Variants in RANBP6 observed in about 807,000 individuals in gnomAD.
RANBP6 encodes the protein ran-binding protein 6.
A neutral mutation model predicts 35.3 loss-of-function variants in RANBP6; 10 were observed. The observed-to-expected ratio is 0.28, with a 90% CI of 0.17 to 0.48. The LOEUF (loss-of-function observed/expected upper bound fraction) is 0.48, where lower values mean the gene tolerates loss of function less well. Ranked by LOEUF, RANBP6 falls within the 20% of genes least tolerant of loss-of-function variation. The pLI is 0.99. For synonymous variants in RANBP6, 514 were observed against 464.2 expected (o/e 1.11, Z -1.38); for missense variants, 1,392 against 1,307.7 (o/e 1.06, Z -0.99).
Position 6,012,545 on chromosome 9 carries a change from C to G in RANBP6, c.3063G>C (p.Leu1021Phe), listed in dbSNP as rs771472259. Residue 1021 changes from leucine (L) to phenylalanine (F), a missense_variant, in exon 1 of 1, where the codon TTG (leucine) becomes TTC (phenylalanine). Transcript: ENST00000259569. ...HEDKEEAIQT[L>F]SFLCDLIESN... ...TTTCAATTAGGTCACAGAGAAAACTCAAAGTCTGAATAGCTTCCTCTTTAT... is the reference window on the plus strand; with the variant it reads ...TTTCAATTAGGTCACAGAGAAAACTGAAAGTCTGAATAGCTTCCTCTTTAT... 6.2e-7 allele frequency: 1 copy of G among 1,613,362 alleles called. No homozygotes were observed. Among genetic ancestry groups the G allele is most frequent in the South Asian group, 1.1e-5 (1 of 90,812 alleles).
Position 6,012,739 on chromosome 9 carries a change from G to T in RANBP6, c.2869C>A (p.Pro957Thr). Residue 957 changes from proline (P) to threonine (T), a missense_variant, in exon 1 of 1, where the codon CCA becomes ACA. Physicochemically the swap from Pro to Thr is conservative, Grantham distance 38. Coordinates refer to ENST00000259569, the MANE Select transcript of RANBP6 (RefSeq NM_012416.4). ...CACTTAATAACTTTTACCAGAAGTGGAACAGCTTCTGAACATAAAGAACGA... is the reference window on the plus strand; with the variant it reads ...CACTTAATAACTTTTACCAGAAGTGTAACAGCTTCTGAACATAAAGAACGA... Reference protein sequence around the residue: ...DYRSLCSEAVPLLVKVIKCAN... With the variant: ...DYRSLCSEAVTLLVKVIKCAN... 6.2e-7 allele frequency: 1 copy of T among 1,614,078 alleles called. No individual in the cohort carries two copies. The highest frequency in any genetic ancestry group is 1.7e-4 in the Middle Eastern group (1 of 6,060).
In RANBP6 at chr9:6,015,615, T is replaced by C. The variant is rs528480880; in HGVS notation, c.-8A>G. On this transcript the variant is annotated 5_prime_UTR_variant, in exon 1 of 1. Transcript: ENST00000259569. ...AGACGCGGTTGCCGCCATTGCGCTC[T>C]GTCAAAGCTACCGCGACCGGGAAGG... The C allele has an allele frequency of 4.4e-6, 7 of 1,577,930 alleles. No homozygotes were observed. In the South Asian group the frequency reaches 6.8e-5, roughly 15 times the overall value.
rs111770570 is a variant in RANBP6, at chr9:6,011,028, A to G, written c.*1262T>C. 178 of 152,320 alleles carry G rather than the reference A, an allele frequency of 1.2e-3. 2 individuals are homozygous for G. Among genetic ancestry groups the G allele is most frequent in the African/African-American group, 4.2e-3 (174 of 41,564 alleles). The allele number at this position is 152,320 out of a possible 1,614,324, so 9.4% of individuals were successfully genotyped here. ...GAAGTTCCAGACACAATAGAGGTAC[A>G]AACAACAACAGCAATAACAGCTACA... On this transcript the variant is annotated 3_prime_UTR_variant, in exon 1 of 1. Transcript: ENST00000259569.
In RANBP6 at chr9:6,014,293, C is replaced by G. The variant is rs773921765; in HGVS notation, c.1315G>C (p.Ala439Pro). 1 of 1,614,206 alleles carries G rather than the reference C, an allele frequency of 6.2e-7. No individual in the cohort carries two copies. The highest frequency in any genetic ancestry group is 8.5e-7 in the Non-Finnish European group (1 of 1,180,026). ...TTLGQMATDFAPNFQKKFHET... is the reference protein window; with the variant it reads ...TTLGQMATDFPPNFQKKFHET... ...TGAAATTTCTTTTGGAAATTAGGTG[C>G]AAAATCTGTAGCCATCTGTCCAAGT... Residue 439 changes from alanine to proline, a missense_variant, in exon 1 of 1, where the codon GCA becomes CCA. Transcript: ENST00000259569.
Position 6,014,770 on chromosome 9 carries a change from T to G in RANBP6, c.838A>C (p.Ser280Arg). 1 of 1,614,202 alleles carries G rather than the reference T, an allele frequency of 6.2e-7. No individual in the cohort carries two copies. Among genetic ancestry groups the G allele is most frequent in the African/African-American group, 1.3e-5 (1 of 75,066 alleles). ...SLKLCGDSRL[S>R]NLQRQLALEV... is the part of the protein sequence containing the mutation. The stretch of plus-strand genomic sequence containing the variant: ...AGGGCCAGCTGGCGCTGCAGATTAC[T>G]AAGCCTAGAGTCTCCACATAACTTC... Residue 280 changes from serine (S) to arginine (R), a missense_variant, in exon 1 of 1, where the codon AGT becomes CGT. Physicochemically the swap from Ser to Arg is moderately radical, Grantham distance 110. Coordinates refer to ENST00000259569, the MANE Select transcript of RANBP6 (RefSeq NM_012416.4).
At position 6,012,937 on chromosome 9, in the gene RANBP6, ACTGT is replaced by A. The variant is rs1842501270; in HGVS notation, c.2667_2670del (p.Arg889SerfsTer11). ...ATGTCATCAAATATGCACAATCCCC[ACTGT>A]CTGTCTGGCCATGGCCTACTTGAAC... On this transcript the variant is annotated frameshift_variant, in exon 1 of 1. Transcript: ENST00000259569. LOFTEE classifies it high-confidence loss of function. 1 of 1,614,166 alleles carries A rather than the reference ACTGT, an allele frequency of 6.2e-7. No homozygotes were observed.
In RANBP6 at chr9:6,014,775, C is replaced by T; in HGVS notation, c.833G>A (p.Arg278Lys). 7 of 1,614,176 alleles carry T rather than the reference C, an allele frequency of 4.3e-6. No homozygotes were observed. Among genetic ancestry groups the T allele is most frequent in the South Asian group, 2.2e-5 (2 of 91,086 alleles). ...CAGCTGGCGCTGCAGATTACTAAGCCTAGAGTCTCCACATAACTTCAAACT... is the reference window on the plus strand; with the variant it reads ...CAGCTGGCGCTGCAGATTACTAAGCTTAGAGTCTCCACATAACTTCAAACT... The part of the protein sequence containing the change: ...QLSLKLCGDS[R>K]LSNLQRQLAL... Residue 278 changes from arginine (R) to lysine (K), a missense_variant, in exon 1 of 1, where the codon AGG becomes AAG. Arg to Lys is a conservative substitution (Grantham distance 26, BLOSUM62 2). Transcript: ENST00000259569.
chr9:6,015,307 G>A lies in RANBP6; in HGVS notation c.301C>T (p.Leu101=), dbSNP rs555096862. The A allele has an allele frequency of 6.2e-7, 1 of 1,614,092 alleles. No individual in the cohort carries two copies. Among genetic ancestry groups the A allele is most frequent in the Non-Finnish European group, 8.5e-7 (1 of 1,180,056 alleles). ...ADVQRDVKIE[L]ILAVKLETHA... Reference sequence around the variant, plus strand: ...GTTTCTAACTTAACAGCCAGAATCAGTTCAATCTTGACATCTCTCTGAACA... The same window carrying A: ...GTTTCTAACTTAACAGCCAGAATCAATTCAATCTTGACATCTCTCTGAACA... Residue 101 remains leucine, a synonymous_variant, in exon 1 of 1, where the codon CTG becomes TTG. Transcript: ENST00000259569.
chr9:6,013,842 A>G lies in RANBP6; in HGVS notation c.1766T>C (p.Met589Thr). 1 of 1,614,056 alleles carries G rather than the reference A, an allele frequency of 6.2e-7. No individual in the cohort carries two copies. The highest frequency in any genetic ancestry group is 8.5e-7 in the Non-Finnish European group (1 of 1,180,006). Reference protein sequence around the residue: ...EKFMQDASNVMQLLLKTQSDL... With the variant: ...EKFMQDASNVTQLLLKTQSDL... ...TGATTGTGTCTTCAACAACAGCTGC[A>G]TCACATTTGATGCATCTTGCATAAA... The change falls in exon 1 of 1, where the codon ATG (methionine) becomes ACG (threonine). Residue 589 changes from methionine (M) to threonine (T), a missense_variant. By Grantham distance (81) the Met-to-Thr change is moderately conservative. Coordinates refer to ENST00000259569, the MANE Select transcript of RANBP6 (RefSeq NM_012416.4).
chr9:6,014,914 C>T lies in RANBP6; in HGVS notation c.694G>A (p.Ala232Thr). The stretch of plus-strand genomic sequence containing the variant: ...TCCTGGTAGCATGAGTCATTCACAG[C>T]CTGTAAGATTCCAGGAAGCAAGTCT... The part of the protein sequence containing the change: ...FADLLPGILQ[A>T]VNDSCYQDDD... Residue 232 changes from alanine (A) to threonine (T), a missense_variant, in exon 1 of 1, where the codon GCT (alanine) becomes ACT (threonine). Ala to Thr is a moderately conservative substitution (Grantham distance 58). Transcript: ENST00000259569. 6.2e-7 allele frequency: 1 copy of T among 1,614,090 alleles called. No homozygotes were observed. Among genetic ancestry groups the T allele is most frequent in the Non-Finnish European group, 8.5e-7 (1 of 1,179,984 alleles).
Position 6,015,022 on chromosome 9 carries a change from C to T in RANBP6, c.586G>A (p.Ala196Thr), listed in dbSNP as rs200760731. ...DQCIQDQEHP[A>T]IRTLSARAAA... ...GCTCTAGCGGATAATGTCCTGATTG[C>T]TGGATGTTCTTGATCTTGAATACAC... The change falls in exon 1 of 1, where the codon GCA becomes ACA. Residue 196 changes from alanine (A) to threonine (T), a missense_variant. Transcript: ENST00000259569. 6.8e-6 allele frequency: 11 copies of T among 1,614,172 alleles called. No individual in the cohort carries two copies. In the East Asian group the frequency reaches 2.0e-4, roughly 29 times the overall value.
chr9:6,013,065 G>A lies in RANBP6; in HGVS notation c.2543C>T (p.Thr848Ile). ...TGAGTGCAAAATATCTGATACTTTG[G>A]TCAGAATATAAACATCACATTCATC... ...DEDECDVYIL[T>I]KVSDILHSLF... The change falls in exon 1 of 1, where the codon ACC becomes ATC. Residue 848 changes from threonine (T) to isoleucine (I), a missense_variant. By Grantham distance (89) the Thr-to-Ile change is moderately conservative. Transcript: ENST00000259569. 6.2e-7 allele frequency: 1 copy of A among 1,613,790 alleles called. No homozygotes were observed. The highest frequency in any genetic ancestry group is 8.5e-7 in the Non-Finnish European group (1 of 1,179,932).
rs762434788 is a variant in RANBP6, at chr9:6,015,122, A to C, written c.486T>G (p.Val162=). 1 of 1,614,128 alleles carries C rather than the reference A, an allele frequency of 6.2e-7. No homozygotes were observed. Among genetic ancestry groups the C allele is most frequent in the Non-Finnish European group, 8.5e-7 (1 of 1,180,030 alleles). The part of the protein sequence containing the change: ...NVVLWEVALH[V]FWHFPGIFGT... ...CAAAAATCCCAGGAAAGTGCCAGAA[A>C]ACGTGAAGTGCAACTTCCCATAGAA... The change falls in exon 1 of 1, where the codon GTT becomes GTG. Residue 162 remains valine, a synonymous_variant. Transcript: ENST00000259569.
At position 6,013,384 on chromosome 9, in the gene RANBP6, C is replaced by A. The variant is rs920108141; in HGVS notation, c.2224G>T (p.Ala742Ser). ...AESMPFLLECARIRGPEYLAQ... is the reference protein window; with the variant it reads ...AESMPFLLECSRIRGPEYLAQ... ...AGATACTCTGGGCCACGAATTCTTG[C>A]ACATTCCAGGAGAAAAGGCATGGAC... The change falls in exon 1 of 1, where the codon GCA becomes TCA. Residue 742 changes from alanine (A) to serine (S), a missense_variant. Physicochemically the swap from Ala to Ser is moderately conservative, Grantham distance 99. Transcript: ENST00000259569. 1 of 1,614,154 alleles carries A rather than the reference C, an allele frequency of 6.2e-7. No homozygotes were observed. The highest frequency in any genetic ancestry group is 8.5e-7 in the Non-Finnish European group (1 of 1,179,988).
chr9:6,014,712 G>C lies in RANBP6; in HGVS notation c.896C>G (p.Thr299Ser), dbSNP rs2129712575. The change falls in exon 1 of 1, where the codon ACT becomes AGT. Residue 299 changes from threonine (T) to serine (S), a missense_variant. Transcript: ENST00000259569. ...ATTTGTATGTTTTTTCAACATCGGA[G>C]TGGCAGTTTCAGACAAGGTCACTAT... ...EVIVTLSETATPMLKKHTNII... is the reference protein window; with the variant it reads ...EVIVTLSETASPMLKKHTNII... 1 of 1,614,180 alleles carries C rather than the reference G, an allele frequency of 6.2e-7. No homozygotes were observed. Among genetic ancestry groups the C allele is most frequent in the South Asian group, 1.1e-5 (1 of 91,092 alleles).
Position 6,013,141 on chromosome 9 carries a change from T to G in RANBP6, c.2467A>C (p.Arg823=). ...TGTTGATCATAGTTTTCTTCCTGTC[T>G]TTTCACCTGTCTCAATTCTTGGTTT... ...FKNQELRQVK[R]QEENYDQQVE... Residue 823 remains arginine (R), a synonymous_variant, in exon 1 of 1, where the codon AGA becomes CGA. Coordinates refer to ENST00000259569, the MANE Select transcript of RANBP6 (RefSeq NM_012416.4). 6.2e-7 allele frequency: 1 copy of G among 1,614,100 alleles called. No individual in the cohort carries two copies. Among genetic ancestry groups the G allele is most frequent in the Non-Finnish European group, 8.5e-7 (1 of 1,180,030 alleles).
chr9:6,012,472 T>G lies in RANBP6; in HGVS notation c.3136A>C (p.Ile1046Leu), dbSNP rs1275293947. ...IGPNNSNLPK[I>L]ISIIAEGKIN... The stretch of plus-strand genomic sequence containing the variant: ...TTTCCTTCTGCAATTATACTGATTA[T>G]TTTGGGAAGATTGGAATTATTTGGA... The change falls in exon 1 of 1, where the codon ATA becomes CTA. Residue 1046 changes from isoleucine to leucine, a missense_variant. Physicochemically the swap from Ile to Leu is conservative, Grantham distance 5. Coordinates refer to ENST00000259569, the MANE Select transcript of RANBP6 (RefSeq NM_012416.4). 1 of 1,612,092 alleles carries G rather than the reference T, an allele frequency of 6.2e-7. No homozygotes were observed.
chr9:6,014,549 T>C lies in RANBP6; in HGVS notation c.1059A>G (p.Arg353=), dbSNP rs1026158578. Residue 353 remains arginine (R), a synonymous_variant, in exon 1 of 1, where the codon AGA becomes AGG. Transcript: ENST00000259569. ...CTTTTCCACCAAGCCCACAAGCCAGTCTGTCTAGTGCACTCTCCGCAGCAA... is the reference window on the plus strand; with the variant it reads ...CTTTTCCACCAAGCCCACAAGCCAGCCTGTCTAGTGCACTCTCCGCAGCAA... ...NAVAAESALD[R]LACGLGGKVV... The C allele has an allele frequency of 6.2e-7, 1 of 1,614,076 alleles. No homozygotes were observed. The highest frequency in any genetic ancestry group is 8.5e-7 in the Non-Finnish European group (1 of 1,180,038).
rs1842513551 is a variant in RANBP6, at chr9:6,013,478, T to C, written c.2130A>G (p.Gln710=). The change falls in exon 1 of 1, where the codon CAA becomes CAG. Residue 710 remains glutamine, a synonymous_variant. Coordinates refer to ENST00000259569, the MANE Select transcript of RANBP6 (RefSeq NM_012416.4). ...LREGFVEYTE[Q]VVKLMVPLLK... is the part of the protein sequence containing the mutation. ...GTAAAGGAACCATCAGCTTCACAAC[T>C]TGTTCTGTATATTCCACAAACCCTT... The C allele has an allele frequency of 1.2e-6, 2 of 1,614,192 alleles. No individual in the cohort carries two copies. Among genetic ancestry groups the C allele is most frequent in the Non-Finnish European group, 1.7e-6 (2 of 1,180,028 alleles).
Sources: gnomAD v4.1 joint callset for allele counts on GRCh38, gnomAD v4.1.1 for gene constraint, MANE v1.5 for transcripts, NCBI Gene and HGNC (gene_info 2026-07-23, HGNC 2026-07-21) for gene names.